Variants in GARIN2 observed in about 807,000 individuals in gnomAD.
GARIN2 encodes Golgi-associated RAB2 interactor protein 2.
chr14:67,210,341 T>G, the GARIN2 span, among the ~76,000 whole-genome samples: 1 of 151,868 alleles, frequency 6.6e-6, no homozygotes, highest in Non-Finnish European at 1.5e-5. Flanking sequence ...ATCCCAGCAC[T>G]TTGGGAGGCT....
At chr14:67,226,373 T>A in the GARIN2 span, among the ~76,000 whole-genome samples, 1 of 151,174 alleles carries the variant, frequency 6.6e-6, no homozygotes, top group Non-Finnish European at 1.5e-5. Context: ...TTTTGTTTTG[T>A]TTTTTTGAGA....
chr14:67,204,806 C>T, the GARIN2 span: 10 of 1,613,982 alleles, frequency 6.2e-6, no homozygotes, highest in Admixed American at 3.3e-5. Flanking sequence ...GATGTCACCA[C>T]GTTCACAGCC....
At chr14:67,193,618 A>T in the GARIN2 span, among the ~76,000 whole-genome samples, 2 of 146,368 alleles carry the variant, frequency 1.4e-5, no homozygotes, top group African/African-American at 2.5e-5. Flanking sequence ...TATAGATAGA[A>T]ATATATCTAT....
chr14:67,202,189 C>G, the GARIN2 span, among the ~76,000 whole-genome samples: 9 of 152,330 alleles, frequency 5.9e-5, no homozygotes, highest in South Asian at 1.4e-3. Flanking sequence ...GCCTGTAATC[C>G]CAGCACTTTG....
the GARIN2 span, chr14:67,208,557 A>T: frequency 8.8e-7 from 1 of 1,140,476 alleles, no homozygotes; most frequent in Non-Finnish European, 1.2e-6. Flanking sequence ...AGATTCTCAG[A>T]GACAGATGTA....
the GARIN2 span, chr14:67,200,113 C>G: frequency 9.6e-7 from 1 of 1,041,300 alleles, no homozygotes; most frequent in Non-Finnish European, 1.4e-6. Context: ...AATGGGCATG[C>G]CCCCCCGAAG....
At chr14:67,205,045 G>A in the GARIN2 span, 1 of 1,551,922 alleles carries the variant, frequency 6.4e-7, no homozygotes, top group South Asian at 1.2e-5. Context: ...AGTCACAGTG[G>A]TGTTTGAAAA....
the GARIN2 span, among the ~76,000 whole-genome samples, chr14:67,207,871 G>T: frequency 6.6e-6 from 1 of 152,150 alleles, no homozygotes; most frequent in African/African-American, 2.4e-5. Flanking sequence ...GGGAATCAGT[G>T]GCATTTCTGG....
chr14:67,225,961 G>GTGTGTGTGTGTGTGTGTA, the GARIN2 span, among the ~76,000 whole-genome samples: 1 of 112,302 alleles, frequency 8.9e-6, no homozygotes, highest in Non-Finnish European at 1.6e-5. Flanking sequence ...GTGTGTGTGT[G>GTGTGTGTGTGTGTGTGTA]TGCGCGCGCG....
the GARIN2 span, among the ~76,000 whole-genome samples, chr14:67,198,748 C>T: frequency 6.6e-6 from 1 of 152,168 alleles, no homozygotes; most frequent in Non-Finnish European, 1.5e-5. Flanking sequence ...GAGAAAAGCT[C>T]CCTTCTCATA....
the GARIN2 span, among the ~76,000 whole-genome samples, chr14:67,218,835 C>G: frequency 2.0e-5 from 3 of 151,828 alleles, no homozygotes; most frequent in Admixed American, 2.0e-4. Flanking sequence ...GGTGGGTTTT[C>G]CATGGATAAG....
chr14:67,203,540 A>G, the GARIN2 span, among the ~76,000 whole-genome samples: 160 of 152,266 alleles, frequency 1.1e-3, no homozygotes, highest in African/African-American at 3.6e-3. Context: ...ATAATAAACT[A>G]CCTTTCTAGA....
At chr14:67,204,648 A>T in the GARIN2 span, 1 of 1,613,804 alleles carries the variant, frequency 6.2e-7, no homozygotes, top group Non-Finnish European at 8.5e-7. Context: ...GCACCTCTGC[A>T]TATAAACAGG....
At chr14:67,200,279 G>T in the GARIN2 span, 1 of 733,216 alleles carries the variant, frequency 1.4e-6, no homozygotes, top group Non-Finnish European at 2.3e-6. Flanking sequence ...CCACTCCCCA[G>T]CCACCAGTTG....
At chr14:67,209,377 G>A in the GARIN2 span, among the ~76,000 whole-genome samples, 1 of 152,168 alleles carries the variant, frequency 6.6e-6, no homozygotes, top group Non-Finnish European at 1.5e-5. Context: ...GGTGGTCAAG[G>A]CCATTTGAGC....
the GARIN2 span, among the ~76,000 whole-genome samples, chr14:67,222,657 T>C: frequency 6.6e-6 from 1 of 152,214 alleles, no homozygotes; most frequent in Non-Finnish European, 1.5e-5. Context: ...ATCTTTAGCC[T>C]GTAACGAACT....
At chr14:67,206,797 C>A in the GARIN2 span, among the ~76,000 whole-genome samples, 1,662 of 150,446 alleles carry the variant, frequency 0.011, 19 homozygotes, top group Middle Eastern at 0.017. Flanking sequence ...GTGGTGAGAT[C>A]TCGGCTCACT....
the GARIN2 span, chr14:67,208,429 T>C: frequency 1.2e-6 from 2 of 1,613,650 alleles, no homozygotes; most frequent in African/African-American, 2.7e-5. Flanking sequence ...AGAGCACAGC[T>C]CTCAAGGCTG....
the GARIN2 span, among the ~76,000 whole-genome samples, chr14:67,217,156 ACTTT>A: frequency 6.8e-6 from 1 of 146,902 alleles, no homozygotes; most frequent in African/African-American, 2.6e-5. Flanking sequence ...CTATAGAATG[ACTTT>A]CTTCATCTTT....
Sources: gnomAD v4.1 joint callset for allele counts (sites outside exome capture counted in the v4.1 genomes callset) on GRCh38, gnomAD v4.1.1 for gene constraint, MANE v1.5 for transcripts, NCBI Gene and HGNC (gene_info 2026-07-23, HGNC 2026-07-21) for gene names.